VPS50: variants seen among roughly 807,000 people sequenced by gnomAD.
The protein encoded by VPS50 is VPS50 subunit of EARP/GARPII complex.
Under a neutral mutation model 139.7 loss-of-function variants are expected in VPS50, and 70 were observed. The ratio of observed to expected loss-of-function variants is 0.50; its 90% CI spans 0.41 to 0.61. VPS50 has a LOEUF of 0.61. VPS50 is among the 20% of genes least tolerant of loss of function. The pLI is 0.00. For missense variants in VPS50, 921 were observed against 1,133.7 expected, an observed-to-expected ratio of 0.81 and a Z score of 2.69; for synonymous variants, 365 against 376.7, an observed-to-expected ratio of 0.97 and a Z score of 0.36.
chr7:93,315,998 C>G (rs1314771048), intron 20 of VPS50, among the ~76,000 whole-genome samples: 1 of 151,984 alleles, frequency 6.6e-6, no homozygotes, highest in East Asian at 1.9e-4. Context: ...CATAAATAAA[C>G]AGAAAAGAGG....
At chr7:93,233,709 A>G (rs996075677) in intron 1 of VPS50, among the ~76,000 whole-genome samples, 1 of 152,270 alleles carries the variant, frequency 6.6e-6, no homozygotes, top group East Asian at 1.9e-4. Flanking sequence ...GCGTCCTACT[A>G]CTTCTTACTT....
chr7:93,238,620 G>T (rs1336968729), intron 1 of VPS50, among the ~76,000 whole-genome samples: 2 of 152,158 alleles, frequency 1.3e-5, no homozygotes, highest in African/African-American at 4.8e-5. Context: ...TTGGGAAAAT[G>T]CACATTCCTG....
Position 93,272,646 on chromosome 7 carries a change from C to A in VPS50, c.714C>A (p.Asp238Glu). 1.3e-6 allele frequency: 2 copies of A among 1,493,274 alleles called. No individual in the cohort carries two copies. The highest frequency in any genetic ancestry group is 1.8e-6 in the Non-Finnish European group (2 of 1,081,888). 92.5% of individuals were successfully genotyped at this position (1,493,274 alleles called of 1,614,324 possible). A position where few individuals can be genotyped will look rare whatever the true frequency, so the allele number is the denominator to read the frequency against. Reference sequence around the variant, plus strand: ...TTTTAATTATATAGGAACAGCTGGACGTAGCTCTTTCCAAAATCTGCAAGA... The same window carrying A: ...TTTTAATTATATAGGAACAGCTGGAAGTAGCTCTTTCCAAAATCTGCAAGA... Reference protein sequence around the residue: ...DTLEQIEEQLDVALSKICKNF... With the variant: ...DTLEQIEEQLEVALSKICKNF... The change falls in exon 11 of 28, where the codon GAC (aspartate) becomes GAA (glutamate). Residue 238 changes from aspartate to glutamate, a missense_variant. By Grantham distance (45) the Asp-to-Glu change is conservative. Around this residue, in one of 3 missense-constraint regions of VPS50, gnomAD observed 744 missense variants for 930.6 expected, o/e 0.80. Coordinates refer to ENST00000305866, the MANE Select transcript of VPS50 (RefSeq NM_017667.4).
intron 11 of VPS50, chr7:93,273,242 A>G (rs1439399604): frequency 1.3e-5 from 2 of 152,130 alleles, no homozygotes; most frequent in African/African-American, 2.4e-5. Flanking sequence ...CTCTCATAAT[A>G]TATGGCTTTT....
intron 19 of VPS50, 62 bp downstream of exon 19, chr7:93,309,004 T>G: frequency 1.2e-6 from 1 of 856,116 alleles, no homozygotes; most frequent in Admixed American, 2.0e-5. Context: ...CATATAGGAT[T>G]TCCTTTAAGG....
chr7:93,276,216 G>A lies in VPS50; in HGVS notation c.853G>A (p.Val285Met), dbSNP rs755082195. The A allele has an allele frequency of 2.2e-5, 36 of 1,613,264 alleles. No individual in the cohort carries two copies. Among genetic ancestry groups the A allele is most frequent in the Non-Finnish European group, 3.0e-5 (35 of 1,179,582 alleles). Residue 285 changes from valine to methionine, a missense_variant, in exon 12 of 28, where the codon GTG becomes ATG. Physicochemically the swap from Val to Met is conservative, Grantham distance 21 (BLOSUM62 1). Transcript: ENST00000305866. Reference protein sequence around the residue: ...MHFTQAIHNTVFQVVLGYVEL... With the variant: ...MHFTQAIHNTMFQVVLGYVEL... ...CTTCACCCAAGCCATTCACAACACC[G>A]TGTTTCAAGTTGTTCTTGGTTATGT...
At chr7:93,290,658 T>C (rs1420844576) in intron 12 of VPS50, among the ~76,000 whole-genome samples, 2 of 152,054 alleles carry the variant, frequency 1.3e-5, no homozygotes, top group East Asian at 3.8e-4. Flanking sequence ...TAAGCCATTC[T>C]AGCATTCTTG....
At chr7:93,312,582 G>A (rs1303658184) in intron 20 of VPS50, among the ~76,000 whole-genome samples, 1 of 152,082 alleles carries the variant, frequency 6.6e-6, no homozygotes, top group African/African-American at 2.4e-5. Context: ...TTTGGTCTAA[G>A]AGTTATGCCC....
At chr7:93,337,168 T>C (rs1304984174) in intron 22 of VPS50, among the ~76,000 whole-genome samples, 1 of 152,196 alleles carries the variant, frequency 6.6e-6, no homozygotes, top group Non-Finnish European at 1.5e-5. Flanking sequence ...AGCAAATAAT[T>C]ATCATAAATT....
At chr7:93,246,876 A>AT (rs1419294710) in intron 2 of VPS50, among the ~76,000 whole-genome samples, 1 of 151,940 alleles carries the variant, frequency 6.6e-6, no homozygotes, top group Non-Finnish European at 1.5e-5. Flanking sequence ...GGAATGTATC[A>AT]TAATACCTTA....
At chr7:93,268,629 C>T (rs1795913436) in intron 9 of VPS50, among the ~76,000 whole-genome samples, 1 of 152,168 alleles carries the variant, frequency 6.6e-6, no homozygotes, top group Non-Finnish European at 1.5e-5. Flanking sequence ...CTTCCAGCTT[C>T]ATCCATGTCC....
chr7:93,345,681 A>G (rs888718767), intron 23 of VPS50, among the ~76,000 whole-genome samples: 25 of 152,346 alleles, frequency 1.6e-4, no homozygotes, highest in African/African-American at 5.3e-4. Context: ...ATATACACAA[A>G]TCAATAAATG....
intron 20 of VPS50, among the ~76,000 whole-genome samples, chr7:93,315,086 G>A (rs950773337): frequency 7.2e-5 from 11 of 151,974 alleles, no homozygotes; most frequent in African/African-American, 9.7e-5. Context: ...TATTTAATAC[G>A]TATATCTCCT....
chr7:93,310,536 G>T (rs536652126), intron 19 of VPS50, among the ~76,000 whole-genome samples: 2 of 151,702 alleles, frequency 1.3e-5, no homozygotes, highest in Non-Finnish European at 2.9e-5. Context: ...TCACCACTGT[G>T]TTCAAGATAA....
intron 20 of VPS50, among the ~76,000 whole-genome samples, chr7:93,314,358 C>A (rs1313714406): frequency 6.6e-6 from 1 of 152,280 alleles, no homozygotes; most frequent in African/African-American, 2.4e-5. Context: ...ATGGGGCTTC[C>A]TTACCCCAGG....
chr7:93,356,096 T>C lies in VPS50; in HGVS notation c.2775+16T>C, dbSNP rs763748197. On this transcript the variant is annotated intron_variant, in intron 27 of 27. Transcript: ENST00000305866. The stretch of plus-strand genomic sequence containing the variant: ...AGAGCACAGGGTGAGAGCTGGAAAA[T>C]AGTTAATTAAGTTTTTATTCCTTTT... 5 of 1,307,178 alleles carry C rather than the reference T, an allele frequency of 3.8e-6. No homozygotes were observed. The highest frequency in any genetic ancestry group is 1.9e-5 in the South Asian group (1 of 53,350). 81.0% of individuals were successfully genotyped at this position (1,307,178 alleles called of 1,614,324 possible).
chr7:93,260,856 C>T (rs1320340061), intron 9 of VPS50, among the ~76,000 whole-genome samples: 1 of 152,022 alleles, frequency 6.6e-6, no homozygotes, highest in South Asian at 2.1e-4. Flanking sequence ...CCACCATGCG[C>T]GGCTAATTTT....
intron 7 of VPS50, 21 bp from the exon 8 acceptor site, chr7:93,258,336 C>G: frequency 6.2e-7 from 1 of 1,611,192 alleles, no homozygotes; most frequent in Non-Finnish European, 8.5e-7. Flanking sequence ...CAGATTTTAC[C>G]TTTGATTTTT....
rs1328311830 is a variant in VPS50 at position 93,296,801 on chromosome 7, T to C, written c.1227T>C (p.Tyr409=). 3.7e-6 allele frequency: 6 copies of C among 1,605,366 alleles called. No individual in the cohort carries two copies. Among genetic ancestry groups the C allele is most frequent in the East Asian group, 4.5e-5 (2 of 44,630 alleles). ...GAACTGATTTGTCTATATTCAAATATGATGATTTCATCTTTGTTTTGGATA... is the reference window on the plus strand; with the variant it reads ...GAACTGATTTGTCTATATTCAAATACGATGATTTCATCTTTGTTTTGGATA... The part of the protein sequence containing the change: ...LLGTDLSIFK[Y]DDFIFVLDII... Residue 409 remains tyrosine, a synonymous_variant, in exon 15 of 28, where the codon TAT becomes TAC. Coordinates refer to ENST00000305866, the MANE Select transcript of VPS50 (RefSeq NM_017667.4).
Sources: allele counts gnomAD v4.1 joint callset (sites outside exome capture counted in the v4.1 genomes callset), GRCh38; gene constraint gnomAD v4.1.1; regional missense constraint gnomAD v4.1.1; transcripts MANE v1.5; gene names NCBI Gene and HGNC (gene_info 2026-07-23, HGNC 2026-07-21).